The following NR3C2 variants were observed in gnomAD, a reference collection of about 807,000 sequenced individuals.
NR3C2 encodes the protein nuclear receptor subfamily 3 group C member 2.
A neutral mutation model predicts 86.4 loss-of-function variants in NR3C2; 15 were observed. The observed-to-expected ratio is 0.17, with a 90% CI of 0.12 to 0.27. The LOEUF is 0.27. NR3C2 is among the 10% of genes least tolerant of loss of function. NR3C2 has a pLI of 1.00. For synonymous variants in NR3C2, 458 were observed against 450.5 expected (o/e 1.02, Z -0.21); for missense variants, 960 against 1,195.6 (o/e 0.80, Z 2.91).
At chr4:148,344,012 C>T (rs1744873912) in intron 2 of NR3C2, among the ~76,000 whole-genome samples, 1 of 152,124 alleles carries the variant, frequency 6.6e-6, no homozygotes, top group African/African-American at 2.4e-5. Flanking sequence ...AAATTAATTG[C>T]TAAATGGCAA....
At chr4:148,195,903 G>A (rs1736419975) in intron 3 of NR3C2, among the ~76,000 whole-genome samples, 2 of 152,210 alleles carry the variant, frequency 1.3e-5, no homozygotes, top group Admixed American at 1.3e-4. Context: ...TGATATTCAA[G>A]ACTTTGGCCT....
intron 3 of NR3C2, among the ~76,000 whole-genome samples, chr4:148,233,517 C>T (rs190098816): frequency 1.8e-4 from 28 of 152,088 alleles, no homozygotes; most frequent in South Asian, 6.2e-4. Context: ...CATGCCACCA[C>T]GCCTGGATAA....
Position 148,154,805 on chromosome 4 carries a change from G to C in NR3C2, c.2111C>G (p.Pro704Arg). The C allele has an allele frequency of 1.3e-6, 2 of 1,596,830 alleles. No homozygotes were observed. The highest frequency in any genetic ancestry group is 8.5e-7 in the Non-Finnish European group (1 of 1,172,390). The change falls in exon 5 of 9, where the codon CCA (proline) becomes CGA (arginine). Residue 704 changes from proline (P) to arginine (R), a missense_variant. By Grantham distance (103) the Pro-to-Arg change is moderately radical (BLOSUM62 -2). Coordinates refer to ENST00000358102, the MANE Select transcript of NR3C2 (RefSeq NM_000901.5). ...AGCGATGTACGTTGTCCCTTCCTCT[G>C]GGCTTTGCGGGGGTGGGGGTGGGGG... ...PPPPPPPPQS[P>R]EEGTTYIAPA...
intron 2 of NR3C2, among the ~76,000 whole-genome samples, chr4:148,337,404 ATTATT>A (rs1744548415): frequency 6.6e-6 from 1 of 152,178 alleles, no homozygotes; most frequent in African/African-American, 2.4e-5. Context: ...TGGCATTCTG[ATTATT>A]TTATTATTCC....
At chr4:148,283,256 T>C (rs1394453905) in intron 2 of NR3C2, among the ~76,000 whole-genome samples, 3 of 152,170 alleles carry the variant, frequency 2.0e-5, no homozygotes, top group African/African-American at 7.2e-5. Context: ...GAGAACTGAA[T>C]GGATCAGGAA....
In NR3C2 at chr4:148,136,086, A is replaced by C. The variant is rs201180608; in HGVS notation, c.2511-15798T>G. 1.2e-3 allele frequency among the ~76,000 whole-genome samples: 171 copies of C among 136,876 alleles called. 2 individuals carry two copies. Among genetic ancestry groups the C allele is most frequent in the South Asian group, 1.0e-2 (44 of 4,402 alleles). 89.8% of individuals were successfully genotyped at this position (136,876 alleles called of 152,430 possible). A position where few individuals can be genotyped will look rare whatever the true frequency, so the allele number is the denominator to read the frequency against. On this transcript the variant is annotated intron_variant, in intron 6 of 8. Coordinates refer to ENST00000358102, the MANE Select transcript of NR3C2 (RefSeq NM_000901.5). ...AAAAAAAAAAAAAAAACAAAAAAAA[A>C]AAACACCACCAAAACCAACAAAAAA...
intron 6 of NR3C2, among the ~76,000 whole-genome samples, chr4:148,143,139 C>A (rs1733692721): frequency 6.6e-6 from 1 of 152,174 alleles, no homozygotes; most frequent in African/African-American, 2.4e-5. Flanking sequence ...CAAAATCTGT[C>A]TGAACAAGGA....
chr4:148,445,301 C>A (rs909308256), upstream of NR3C2, among the ~76,000 whole-genome samples: 9 of 151,700 alleles, frequency 5.9e-5, no homozygotes, highest in African/African-American at 1.7e-4. Context: ...TCCTGCTCCT[C>A]GGCTGCCCAC....
chr4:148,174,020 T>C (rs1420870765), intron 4 of NR3C2, among the ~76,000 whole-genome samples: 1 of 152,198 alleles, frequency 6.6e-6, no homozygotes, highest in East Asian at 1.9e-4. Flanking sequence ...CAAACTAGCA[T>C]TGTGTTCACT....
chr4:148,441,611 T>C (rs1579303619), intron 1 of NR3C2, among the ~76,000 whole-genome samples: 1 of 152,288 alleles, frequency 6.6e-6, no homozygotes, highest in South Asian at 2.1e-4. Flanking sequence ...AGAAGCTTCG[T>C]CCCCTTCTCC....
At chr4:148,210,712 A>C (rs762340353) in intron 3 of NR3C2, among the ~76,000 whole-genome samples, 6 of 152,234 alleles carry the variant, frequency 3.9e-5, no homozygotes, top group Non-Finnish European at 8.8e-5. Context: ...AAATTCTGAG[A>C]CATAATAAGT....
intron 3 of NR3C2, among the ~76,000 whole-genome samples, chr4:148,197,622 G>C (rs937441139): frequency 6.6e-6 from 1 of 152,132 alleles, no homozygotes; most frequent in African/African-American, 2.4e-5. Context: ...TCAAATGCCA[G>C]GATTGTTCTA....
intron 2 of NR3C2, among the ~76,000 whole-genome samples, chr4:148,420,428 A>T (rs977182672): frequency 6.6e-6 from 1 of 152,220 alleles, no homozygotes; most frequent in Admixed American, 6.5e-5. Context: ...ACATTCACTT[A>T]TAACTATCAC....
chr4:148,352,478 C>T (rs776237421), intron 2 of NR3C2, among the ~76,000 whole-genome samples: 2 of 151,978 alleles, frequency 1.3e-5, no homozygotes, highest in Non-Finnish European at 1.5e-5. Context: ...AGATTCTCTT[C>T]ACCCAGGGGT....
intron 6 of NR3C2, among the ~76,000 whole-genome samples, chr4:148,136,061 A>T (rs1205594484): frequency 1.7e-5 from 1 of 57,494 alleles, no homozygotes; most frequent in Admixed American, 2.0e-4. Flanking sequence ...CGTCTCAAAA[A>T]AAAAAAAAAA....
At chr4:148,355,502 C>G (rs1745509553) in intron 2 of NR3C2, among the ~76,000 whole-genome samples, 2 of 152,136 alleles carry the variant, frequency 1.3e-5, no homozygotes. Context: ...AACTTCAATC[C>G]TGGTATAACA....
rs1730452521 is a variant in NR3C2 at position 148,079,717 on chromosome 4, TTA to T, written c.*1625_*1626del. The T allele has an allele frequency of 6.6e-6, 1 of 152,670 alleles. No homozygotes were observed. The allele number at this position is 152,670 out of a possible 1,614,324, so 9.5% of individuals were successfully genotyped here. A position where few individuals can be genotyped will look rare whatever the true frequency, so the allele number is the denominator to read the frequency against. ...AAACATTTTAGTGCCACTGTCTTGC[TTA>T]TATGATCTGTAATTTTTCTCCAAAA... On this transcript the variant is annotated 3_prime_UTR_variant, in exon 9 of 9. Coordinates refer to ENST00000358102, the MANE Select transcript of NR3C2 (RefSeq NM_000901.5).
chr4:148,248,563 TTGTC>T (rs35264971), intron 3 of NR3C2, among the ~76,000 whole-genome samples: 19,755 of 152,192 alleles, frequency 0.13, 1,511 homozygotes, highest in Middle Eastern at 0.32. Flanking sequence ...TCTTTGCTCT[TTGTC>T]TGGTTCTGTA....
intron 3 of NR3C2, among the ~76,000 whole-genome samples, chr4:148,206,927 T>A (rs1238917250): frequency 6.6e-6 from 1 of 152,058 alleles, no homozygotes; most frequent in African/African-American, 2.4e-5. Context: ...TTTATGATAA[T>A]CTTTTTTTTT....
Sources: allele counts gnomAD v4.1 joint callset (sites outside exome capture counted in the v4.1 genomes callset), GRCh38; gene constraint gnomAD v4.1.1; transcripts MANE v1.5; gene names NCBI Gene and HGNC (gene_info 2026-07-23, HGNC 2026-07-21).